LMTK3: variants seen among roughly 807,000 people sequenced by gnomAD.
LMTK3 encodes serine/threonine-protein kinase LMTK3.
In LMTK3, 27 loss-of-function variants were observed where a neutral mutation model predicts 116.7. That is an observed-to-expected ratio of 0.23 (90% CI 0.17 to 0.32). LMTK3 has a LOEUF of 0.32. LMTK3 is among the 10% of genes least tolerant of loss of function. The probability of loss-of-function intolerance (pLI) is 1.00; values close to 1 mark genes in which losing one functional copy is unlikely to be tolerated. For synonymous variants in LMTK3, 965 were observed against 971.0 expected, an observed-to-expected ratio of 0.99 and a Z score of 0.11; for missense variants, 1,764 against 2,068.5, an observed-to-expected ratio of 0.85 and a Z score of 2.86.
rs2147564638 is a variant in LMTK3 at position 48,511,756 on chromosome 19, C to G, written c.-180G>C. On this transcript the variant is annotated 5_prime_UTR_variant, in exon 1 of 15. Coordinates refer to ENST00000600059, the MANE Select transcript of LMTK3 (RefSeq NM_001388485.1). ...CTTGCTGGCTCAGGTACCCCCCTCC[C>G]CCTCTTTGAAGGGACAGACGGATGA... 4.9e-6 allele frequency: 2 copies of G among 409,710 alleles called. No homozygotes were observed. Among genetic ancestry groups the G allele is most frequent in the East Asian group, 7.2e-5 (2 of 27,688 alleles). The allele number at this position is 409,710 out of a possible 1,614,324, so 25.4% of individuals were successfully genotyped here. A position where few individuals can be genotyped will look rare whatever the true frequency, so the allele number is the denominator to read the frequency against.
chr19:48,512,129 A>G (rs887665915), upstream of LMTK3, among the ~76,000 whole-genome samples: 1 of 152,108 alleles, frequency 6.6e-6, no homozygotes. Context: ...CACATGTGCT[A>G]CACGCTAAGA....
At chr19:48,504,701 C>T (rs139852546) in intron 5 of LMTK3, among the ~76,000 whole-genome samples, 198 of 152,242 alleles carry the variant, frequency 1.3e-3, no homozygotes, top group African/African-American at 4.6e-3. Flanking sequence ...GTACACACTA[C>T]CACACTCGGC....
intron 11 of LMTK3, among the ~76,000 whole-genome samples, chr19:48,496,591 C>T (rs1972330805): frequency 6.6e-6 from 1 of 151,754 alleles, no homozygotes; most frequent in African/African-American, 2.4e-5. Context: ...GAGCCACCCA[C>T]CATGCCCGGC....
Position 48,491,494 on chromosome 19 carries a change from C to T in LMTK3, c.4138G>A (p.Asp1380Asn). ...GCTGGAGGCGTTGACGGGTCCGTGTCCCCCTCGGGGGGGGCCTGGACGCTC... is the reference window on the plus strand; with the variant it reads ...GCTGGAGGCGTTGACGGGTCCGTGTTCCCCTCGGGGGGGGCCTGGACGCTC... Reference protein sequence around the residue: ...ELSVQAPPEGDTDPSTPPAPP... With the variant: ...ELSVQAPPEGNTDPSTPPAPP... The change falls in exon 13 of 15, where the codon GAC becomes AAC. Residue 1380 changes from aspartate to asparagine, a missense_variant. Coordinates refer to ENST00000600059, the MANE Select transcript of LMTK3 (RefSeq NM_001388485.1). The surrounding 1 kb of genome is among the most constrained non-coding windows in gnomAD (Gnocchi z 5.1). The T allele has an allele frequency of 7.1e-7, 1 of 1,408,600 alleles. No homozygotes were observed. Among genetic ancestry groups the T allele is most frequent in the African/African-American group, 1.5e-5 (1 of 66,750 alleles). 87.3% of individuals were successfully genotyped at this position (1,408,600 alleles called of 1,614,324 possible).
rs756006331 is a variant in LMTK3 at position 48,491,502 on chromosome 19, G to C, written c.4130C>G (p.Pro1377Arg). The change falls in exon 13 of 15, where the codon CCC becomes CGC. Residue 1377 changes from proline (P) to arginine (R), a missense_variant. This residue lies in a region of LMTK3 where 281 missense variants were observed against 301.4 expected (regional missense o/e 0.93). Coordinates refer to ENST00000600059, the MANE Select transcript of LMTK3 (RefSeq NM_001388485.1). The surrounding 1 kb of genome is among the most constrained non-coding windows in gnomAD (Gnocchi z 5.1). ...CGTTGACGGGTCCGTGTCCCCCTCG[G>C]GGGGGGCCTGGACGCTCAGCTCGTT... ...PTNELSVQAP[P>R]EGDTDPSTPP... 1.4e-5 allele frequency: 19 copies of C among 1,406,900 alleles called. No homozygotes were observed. Among genetic ancestry groups the C allele is most frequent in the South Asian group, 1.2e-4 (7 of 60,676 alleles). 87.2% of individuals were successfully genotyped at this position (1,406,900 alleles called of 1,614,324 possible). A position where few individuals can be genotyped will look rare whatever the true frequency, so the allele number is the denominator to read the frequency against.
rs1436584110 is a variant in LMTK3 at position 48,499,157 on chromosome 19, C to T, written c.1912G>A (p.Val638Met). The T allele has an allele frequency of 3.3e-6, 5 of 1,521,172 alleles. No individual in the cohort carries two copies. Among genetic ancestry groups the T allele is most frequent in the South Asian group, 1.2e-5 (1 of 80,584 alleles). The allele number at this position is 1,521,172 out of a possible 1,614,324, so 94.2% of individuals were successfully genotyped here. Residue 638 changes from valine to methionine, a missense_variant, in exon 11 of 15, where the codon GTG (valine) becomes ATG (methionine). Val to Met is a conservative substitution (Grantham distance 21, BLOSUM62 1). This residue lies in a region of LMTK3 where 1,028 missense variants were observed against 1,050.6 expected (regional missense o/e 0.98). Transcript: ENST00000600059. Reference sequence around the variant, plus strand: ...TCCTCCTCCTCCTCTTCTTCTTCCACCCACGGGGCGGTCCCCCGCTCCCCC... The same window carrying T: ...TCCTCCTCCTCCTCTTCTTCTTCCATCCACGGGGCGGTCCCCCGCTCCCCC... ...VLGERGTAPW[V>M]EEEEEEEEGS...
Position 48,498,036 on chromosome 19 carries a change from G to A in LMTK3, c.3033C>T (p.Phe1011=), listed in dbSNP as rs779644671. The A allele has an allele frequency of 1.9e-6, 3 of 1,612,692 alleles. No homozygotes were observed. In the East Asian group the frequency reaches 6.7e-5, roughly 36 times the overall value. The change falls in exon 11 of 15, where the codon TTC becomes TTT. Residue 1011 remains phenylalanine, a synonymous_variant. Transcript: ENST00000600059. Reference sequence around the variant, plus strand: ...CTGGTGGCCTCTCCGTGTTCCTGGGGAATCTCAGGCCCCCATTCTCTGACA... The same window carrying A: ...CTGGTGGCCTCTCCGTGTTCCTGGGAAATCTCAGGCCCCCATTCTCTGACA... ...DKVSENGGLR[F]PRNTERPPET...
intron 14 of LMTK3, among the ~76,000 whole-genome samples, chr19:48,487,654 T>A (rs1018051192): frequency 2.6e-5 from 4 of 152,088 alleles, no homozygotes; most frequent in South Asian, 2.1e-4. Flanking sequence ...TGACTCTAGC[T>A]CTGACTTCCC....
intron 5 of LMTK3, among the ~76,000 whole-genome samples, chr19:48,508,450 T>C (rs1972605384): frequency 6.6e-6 from 1 of 151,994 alleles, no homozygotes; most frequent in Non-Finnish European, 1.5e-5. Flanking sequence ...AGTGGCCTGC[T>C]CGGGCACCTG....
Position 48,498,085 on chromosome 19 carries a change from G to C in LMTK3, c.2984C>G (p.Thr995Arg). ...CACCTTGTCCTCGCTCTTTGGGGGTGTCAGGCCCCCATTCACCAGCACCTT... is the reference window on the plus strand; with the variant it reads ...CACCTTGTCCTCGCTCTTTGGGGGTCTCAGGCCCCCATTCACCAGCACCTT... ...GEKVLVNGGL[T>R]PPKSEDKVSE... is the part of the protein sequence containing the mutation. Residue 995 changes from threonine (T) to arginine (R), a missense_variant, in exon 11 of 15, where the codon ACA becomes AGA. Around this residue, in one of 7 missense-constraint regions of LMTK3, gnomAD observed 1,028 missense variants for 1,050.6 expected, o/e 0.98. Coordinates refer to ENST00000600059, the MANE Select transcript of LMTK3 (RefSeq NM_001388485.1). 6.2e-7 allele frequency: 1 copy of C among 1,612,958 alleles called. No homozygotes were observed. The highest frequency in any genetic ancestry group is 8.5e-7 in the Non-Finnish European group (1 of 1,179,744).
At chr19:48,505,643 C>G (rs888895628) in intron 5 of LMTK3, among the ~76,000 whole-genome samples, 2 of 152,112 alleles carry the variant, frequency 1.3e-5, no homozygotes, top group African/African-American at 2.4e-5. Context: ...GGGTGGATCA[C>G]CTGATGTCAG....
chr19:48,491,521 G>A lies in LMTK3; in HGVS notation c.4111C>T (p.Leu1371=). Residue 1371 remains leucine, a synonymous_variant, in exon 13 of 15, where the codon CTG becomes TTG. Coordinates refer to ENST00000600059, the MANE Select transcript of LMTK3 (RefSeq NM_001388485.1). This position sits in a 1 kb window ranked among gnomAD's most constrained non-coding sequence, Gnocchi z 5.1. ...LFDQETPTNE[L]SVQAPPEGDT... is the part of the protein sequence containing the mutation. ...CCCTCGGGGGGGGCCTGGACGCTCAGCTCGTTGGTTGGCGTCTCCTGTGAA... is the reference window on the plus strand; with the variant it reads ...CCCTCGGGGGGGGCCTGGACGCTCAACTCGTTGGTTGGCGTCTCCTGTGAA... 1 of 1,399,260 alleles carries A rather than the reference G, an allele frequency of 7.1e-7. No homozygotes were observed. The allele number at this position is 1,399,260 out of a possible 1,614,324, so 86.7% of individuals were successfully genotyped here.
In LMTK3 at chr19:48,493,890, C is replaced by CCCGCCGCCGCGCCCGGCG; in HGVS notation, c.3878_3895dup (p.Ala1293_Ala1298dup). Reference sequence around the variant, plus strand: ...TCGCGCCCTCCCGGGGCCCCGCGGCCCCGCCGCCGCGCCCGGCGCCGCCGC... The same window carrying CCCGCCGCCGCGCCCGGCG: ...TCGCGCCCTCCCGGGGCCCCGCGGCCCCGCCGCCGCGCCCGGCGCCGCCGCCGCGCCCGGCGCCGCCGC... On this transcript the variant is annotated inframe_insertion, in exon 12 of 15. Transcript: ENST00000600059. The CCCGCCGCCGCGCCCGGCG allele has an allele frequency of 9.4e-7, 1 of 1,061,924 alleles. No homozygotes were observed. Among genetic ancestry groups the CCCGCCGCCGCGCCCGGCG allele is most frequent in the Non-Finnish European group, 1.1e-6 (1 of 882,542 alleles). The allele number at this position is 1,061,924 out of a possible 1,614,324, so 65.8% of individuals were successfully genotyped here.
intron 11 of LMTK3, among the ~76,000 whole-genome samples, chr19:48,495,324 C>T (rs528822283): frequency 1.3e-5 from 2 of 152,206 alleles, no homozygotes; most frequent in South Asian, 2.1e-4. Context: ...GGGGGTTTTT[C>T]TGGAGTTATG....
chr19:48,509,270 G>A (rs1295015153), intron 4 of LMTK3, among the ~76,000 whole-genome samples, 167 bp downstream of exon 4: 1 of 152,108 alleles, frequency 6.6e-6, no homozygotes, highest in African/African-American at 2.4e-5. Context: ...CGGGGATGGG[G>A]CGGGTGGGAG....
rs756386381 is a variant in LMTK3, at chr19:48,502,403, G to T, written c.794+30C>A. 10 of 1,600,998 alleles carry T rather than the reference G, an allele frequency of 6.2e-6. No individual in the cohort carries two copies. The Admixed American group carries it at 1.7e-4, about 27-fold the overall frequency. On this transcript the variant is annotated intron_variant, in intron 7 of 14. Coordinates refer to ENST00000600059, the MANE Select transcript of LMTK3 (RefSeq NM_001388485.1). Reference sequence around the variant, plus strand: ...ACCTCCTTCCCCCTTCCCCTTAGTAGCTCCTCCCGCGGCTCCCCGGCCCGC... The same window carrying T: ...ACCTCCTTCCCCCTTCCCCTTAGTATCTCCTCCCGCGGCTCCCCGGCCCGC...
chr19:48,497,939 C>T lies in LMTK3; in HGVS notation c.3130G>A (p.Gly1044Arg). 1.3e-6 allele frequency: 2 copies of T among 1,547,902 alleles called. No individual in the cohort carries two copies. The highest frequency in any genetic ancestry group is 1.2e-5 in the South Asian group (1 of 80,998). The change falls in exon 11 of 15, where the codon GGG (glycine) becomes AGG (arginine). Residue 1044 changes from glycine to arginine, a missense_variant. Transcript: ENST00000600059. This position sits in a 1 kb window ranked among gnomAD's most constrained non-coding sequence, Gnocchi z 5.7. Reference sequence around the variant, plus strand: ...AGAGAGGTCTCTGGGGCTGGCTCCCCGATCGTGGGGGCTGGACCCCAACTC... The same window carrying T: ...AGAGAGGTCTCTGGGGCTGGCTCCCTGATCGTGGGGGCTGGACCCCAACTC... ...PESWGPAPTI[G>R]EPAPETSLER...
intron 1 of LMTK3, 87 bp from the exon 2 acceptor site, chr19:48,510,679 C>T: frequency 7.2e-7 from 1 of 1,396,278 alleles, no homozygotes; most frequent in Non-Finnish European, 9.5e-7. Flanking sequence ...ACGTCTTGGA[C>T]TACAACTCCC....
chr19:48,487,463 C>T (rs1336668839), intron 14 of LMTK3, among the ~76,000 whole-genome samples: 1 of 152,156 alleles, frequency 6.6e-6, no homozygotes, highest in East Asian at 1.9e-4. Flanking sequence ...GTGTGAGCCA[C>T]CATGCCTGGC....
Sources: allele counts gnomAD v4.1 joint callset (sites outside exome capture counted in the v4.1 genomes callset), GRCh38; gene constraint gnomAD v4.1.1; regional missense constraint gnomAD v4.1.1; non-coding constraint Gnocchi (gnomAD v3.1); transcripts MANE v1.5; gene names NCBI Gene and HGNC (gene_info 2026-07-23, HGNC 2026-07-21).